Variants in ACSM5 observed in about 807,000 individuals in gnomAD.
The protein encoded by ACSM5 is acyl-coenzyme A synthetase ACSM5, mitochondrial.
Under a neutral mutation model 71.6 loss-of-function variants are expected in ACSM5, and 56 were observed. The observed-to-expected ratio is 0.78, with a 90% CI of 0.63 to 0.98. The LOEUF (loss-of-function observed/expected upper bound fraction) is 0.98, where lower values mean the gene tolerates loss of function less well. Ranked by LOEUF, ACSM5 falls within the 50% of genes least tolerant of loss-of-function variation. The pLI, the probability that ACSM5 is intolerant of heterozygous loss-of-function variation, is 0.00. For missense variants in ACSM5, 723 were observed against 726.0 expected, an observed-to-expected ratio of 1.00 and a Z score of 0.05; for synonymous variants, 285 against 281.5, an observed-to-expected ratio of 1.01 and a Z score of -0.12.
At chr16:20,415,531 C>T (rs1966854687) in intron 2 of ACSM5, among the ~76,000 whole-genome samples, 1 of 152,152 alleles carries the variant, frequency 6.6e-6, no homozygotes, top group South Asian at 2.1e-4. Context: ...AGAAATACTG[C>T]CATCTTGTAC....
intron 8 of ACSM5, among the ~76,000 whole-genome samples, chr16:20,430,775 GAGGAA>G (rs911690667): frequency 1.5e-5 from 2 of 137,620 alleles, no homozygotes; most frequent in Admixed American, 7.6e-5. Flanking sequence ...AGGAAAGAAA[GAGGAA>G]AGGAAGGAGT....
At chr16:20,434,887 C>T (rs1194502638) in intron 10 of ACSM5, among the ~76,000 whole-genome samples, 1 of 152,164 alleles carries the variant, frequency 6.6e-6, no homozygotes, top group Non-Finnish European at 1.5e-5. Context: ...AAGTGTTTTA[C>T]CTATTCTTAG....
Position 20,411,567 on chromosome 16 carries a change from C to T in ACSM5, c.83C>T (p.Pro28Leu). ...TGTGGGTCTCATGGGAAGCCAGCAC[C>T]TCTACCTGTTCCTCAGAAGATCGTG... ...AFCGSHGKPA[P>L]LPVPQKIVAT... The change falls in exon 2 of 14, where the codon CCT becomes CTT. Residue 28 changes from proline to leucine, a missense_variant. Physicochemically the swap from Pro to Leu is moderately conservative, Grantham distance 98. Transcript: ENST00000331849. 6.2e-7 allele frequency: 1 copy of T among 1,614,216 alleles called. No homozygotes were observed. The highest frequency in any genetic ancestry group is 1.1e-5 in the South Asian group (1 of 91,080).
chr16:20,421,099 C>A, intron 4 of ACSM5, 159 bp from the exon 5 acceptor site: 1 of 792,094 alleles, frequency 1.3e-6, no homozygotes, highest in East Asian at 3.2e-5. Flanking sequence ...TAGTACCTAC[C>A]CCATGAGGTG....
intron 12 of ACSM5, among the ~76,000 whole-genome samples, chr16:20,438,001 T>G (rs919050776): frequency 6.6e-6 from 1 of 152,194 alleles, no homozygotes; most frequent in East Asian, 1.9e-4. Flanking sequence ...AATTTTTGTA[T>G]TTTTAGTAGA....
intron 7 of ACSM5, among the ~76,000 whole-genome samples, chr16:20,428,749 A>T (rs1281509344): frequency 6.6e-6 from 1 of 152,118 alleles, no homozygotes; most frequent in Non-Finnish European, 1.5e-5. Flanking sequence ...AGCTCCAAGT[A>T]CCTCGTTAAG....
At chr16:20,421,570 C>CT (rs1966881177) in intron 5 of ACSM5, among the ~76,000 whole-genome samples, 169 bp downstream of exon 5, 1 of 147,264 alleles carries the variant, frequency 6.8e-6, no homozygotes, top group African/African-American at 2.5e-5. Flanking sequence ...GGATTTTACT[C>CT]TGAGTGAGGT....
intron 10 of ACSM5, among the ~76,000 whole-genome samples, chr16:20,435,722 C>T (rs1967179272): frequency 6.6e-6 from 1 of 152,160 alleles, no homozygotes; most frequent in African/African-American, 2.4e-5. Context: ...CAAACTATTC[C>T]AGTTTATCTG....
rs1966847477 is a variant in ACSM5, at chr16:20,411,488, A to C, written c.4A>C (p.Arg2=). 1 of 1,613,852 alleles carries C rather than the reference A, an allele frequency of 6.2e-7. No individual in the cohort carries two copies. The highest frequency in any genetic ancestry group is 1.7e-5 in the Admixed American group (1 of 59,982). M[R]PWLRHLVLQA... is the part of the protein sequence containing the mutation. ...GTGACAGACAGGAGGCGACTGCATG[A>C]GACCATGGCTGAGACACCTAGTCCT... Residue 2 remains arginine, a synonymous_variant, in exon 2 of 14, where the codon AGA becomes CGA. Coordinates refer to ENST00000331849, the MANE Select transcript of ACSM5 (RefSeq NM_017888.3).
chr16:20,410,754 A>G (rs989468847), intron 1 of ACSM5, among the ~76,000 whole-genome samples: 2 of 152,048 alleles, frequency 1.3e-5, no homozygotes, highest in Non-Finnish European at 2.9e-5. Context: ...AATTTTAAAA[A>G]TAATAAAATT....
In ACSM5 at chr16:20,410,309, C is replaced by T. The variant is rs1303577630; in HGVS notation, c.-16+644C>T. Among the ~76,000 whole-genome samples, 3 of 152,118 alleles carry T rather than the reference C, an allele frequency of 2.0e-5. No individual in the cohort carries two copies. The East Asian group carries it at 5.8e-4, about 29-fold the overall frequency. ...ACTGAGGTCACACGCAGCTCCCGGG[C>T]CAGTGCCTCTCAAACTTTAACATGC... On this transcript the variant is annotated intron_variant, in intron 1 of 13. Coordinates refer to ENST00000331849, the MANE Select transcript of ACSM5 (RefSeq NM_017888.3).
intron 1 of ACSM5, among the ~76,000 whole-genome samples, chr16:20,410,728 AAAC>A (rs1966846028): frequency 6.6e-6 from 1 of 152,148 alleles, no homozygotes; most frequent in South Asian, 2.1e-4. Flanking sequence ...TCTGTCTCAA[AAAC>A]AACAATAATA....
intron 2 of ACSM5, among the ~76,000 whole-genome samples, chr16:20,416,645 A>T (rs963697129): frequency 3.3e-5 from 5 of 152,204 alleles, no homozygotes; most frequent in Admixed American, 2.6e-4. Context: ...AAAACATAGG[A>T]GTATATTTTT....
chr16:20,431,139 T>C, intron 9 of ACSM5, 66 bp downstream of exon 9: 3 of 1,598,804 alleles, frequency 1.9e-6, no homozygotes, highest in Non-Finnish European at 2.6e-6. Context: ...CAGGCCTGGT[T>C]GGCACGGGCT....
chr16:20,426,145 A>G (rs1406925415), intron 6 of ACSM5, among the ~76,000 whole-genome samples: 3 of 152,206 alleles, frequency 2.0e-5, no homozygotes, highest in South Asian at 4.1e-4. Context: ...AGCTGGTATC[A>G]CATGGTGGAC....
In ACSM5 at chr16:20,419,231, C is replaced by T. The variant is rs772945418; in HGVS notation, c.419C>T (p.Thr140Ile). Residue 140 changes from threonine (T) to isoleucine (I), a missense_variant, in exon 4 of 14, where the codon ACT (threonine) becomes ATT (isoleucine). By Grantham distance (89) the Thr-to-Ile change is moderately conservative. Coordinates refer to ENST00000331849, the MANE Select transcript of ACSM5 (RefSeq NM_017888.3). ...LVSVACMRTG[T>I]VMIPGVTQLT... is the part of the protein sequence containing the mutation. ...ATCCCCTTCTGTTTTATGCCAGGGA[C>T]TGTGATGATTCCGGGTGTGACTCAG... is the stretch of plus-strand genomic sequence containing the variant. The T allele has an allele frequency of 2.5e-6, 4 of 1,614,102 alleles. No individual in the cohort carries two copies. In the South Asian group the frequency reaches 4.4e-5, roughly 18 times the overall value.
At chr16:20,418,461 G>A (rs1423063949) in intron 3 of ACSM5, among the ~76,000 whole-genome samples, 192 bp downstream of exon 3, 1 of 152,170 alleles carries the variant, frequency 6.6e-6, no homozygotes, top group Admixed American at 6.5e-5. Context: ...ATAAAAGCAG[G>A]CCAGTGCAAG....
chr16:20,422,961 T>C (rs1293828355), intron 5 of ACSM5, among the ~76,000 whole-genome samples: 1 of 152,220 alleles, frequency 6.6e-6, no homozygotes, highest in Non-Finnish European at 1.5e-5. Context: ...AGTTTGTTTA[T>C]GGAGTTGTCA....
At chr16:20,426,220 T>G (rs1966976275) in intron 6 of ACSM5, among the ~76,000 whole-genome samples, 2 of 152,252 alleles carry the variant, frequency 1.3e-5, no homozygotes, top group Admixed American at 1.3e-4. Context: ...TCACCATCAT[T>G]ATCCATGTAG....
Sources: gnomAD v4.1 joint callset for allele counts (sites outside exome capture counted in the v4.1 genomes callset) on GRCh38, gnomAD v4.1.1 for gene constraint, MANE v1.5 for transcripts, NCBI Gene and HGNC (gene_info 2026-07-23, HGNC 2026-07-21) for gene names.